The following GABRB1 variants were observed in gnomAD, a reference collection of about 807,000 sequenced individuals.
GABRB1 encodes the protein gamma-aminobutyric acid type A receptor subunit beta1, also known as gamma-aminobutyric acid receptor subunit beta-1.
GABRB1 carries 17 observed loss-of-function variants against 51.6 expected under a neutral mutation model. That is an observed-to-expected ratio of 0.33 (90% CI 0.23 to 0.49). The LOEUF is 0.49. Ranked by LOEUF, GABRB1 falls within the 20% of genes least tolerant of loss-of-function variation. The pLI is 0.99. For synonymous variants in GABRB1, 247 were observed against 218.9 expected, an observed-to-expected ratio of 1.13 and a Z score of -1.14; for missense variants, 410 against 600.6, an observed-to-expected ratio of 0.68 and a Z score of 3.32.
intron 4 of GABRB1, among the ~76,000 whole-genome samples, chr4:47,263,745 C>T (rs138406238): frequency 3.9e-5 from 6 of 152,246 alleles, no homozygotes; most frequent in East Asian, 1.9e-4. Context: ...TGAAAGGACA[C>T]TGAGTTTGCT....
chr4:47,330,087 G>A (rs1483494253), intron 5 of GABRB1, among the ~76,000 whole-genome samples: 2 of 152,142 alleles, frequency 1.3e-5, no homozygotes, highest in Non-Finnish European at 2.9e-5. Context: ...GAGTTCAAAA[G>A]CAGGAAAAAA....
At chr4:47,378,141 G>C (rs115002539) in intron 5 of GABRB1, among the ~76,000 whole-genome samples, 1 of 152,190 alleles carries the variant, frequency 6.6e-6, no homozygotes. Context: ...CCACAGAGGC[G>C]GGGAGTCGTG....
intron 3 of GABRB1, among the ~76,000 whole-genome samples, chr4:47,097,305 C>T (rs1036305717): frequency 2.0e-5 from 3 of 152,170 alleles, no homozygotes; most frequent in Non-Finnish European, 4.4e-5. Context: ...ATCAGGCATG[C>T]TTCTGCTGTA....
chr4:47,011,506 T>C (rs982959774), intron 1 of GABRB1, among the ~76,000 whole-genome samples: 1 of 152,270 alleles, frequency 6.6e-6, no homozygotes, highest in Admixed American at 6.5e-5. Flanking sequence ...TGGTTTTGTT[T>C]GACCATTTGG....
intron 4 of GABRB1, among the ~76,000 whole-genome samples, chr4:47,296,880 G>A (rs529917515): frequency 5.7e-4 from 87 of 152,232 alleles, no homozygotes; most frequent in African/African-American, 2.0e-3. Flanking sequence ...CTCAGCAAAC[G>A]TAAAAGAACG....
At chr4:47,242,090 T>C (rs1224200483) in intron 4 of GABRB1, among the ~76,000 whole-genome samples, 1 of 150,048 alleles carries the variant, frequency 6.7e-6, no homozygotes, top group Admixed American at 6.7e-5. Context: ...CCTGTGTCCA[T>C]GTGTTCTCAT....
At chr4:47,103,304 G>A (rs139401835) in intron 3 of GABRB1, among the ~76,000 whole-genome samples, 1 of 152,042 alleles carries the variant, frequency 6.6e-6, no homozygotes, top group African/African-American at 2.4e-5. Flanking sequence ...ACAAACCTAT[G>A]GCTTTCAGAA....
At chr4:47,230,136 G>T (rs560514851) in intron 4 of GABRB1, among the ~76,000 whole-genome samples, 2 of 152,234 alleles carry the variant, frequency 1.3e-5, no homozygotes, top group East Asian at 1.9e-4. Flanking sequence ...TAACATTTTG[G>T]TGAAGAAAAA....
At chr4:47,045,201 T>C (rs1726029581) in intron 3 of GABRB1, among the ~76,000 whole-genome samples, 1 of 152,058 alleles carries the variant, frequency 6.6e-6, no homozygotes, top group South Asian at 2.1e-4. Context: ...ATGGGCACTA[T>C]TAATAATTAC....
At chr4:47,397,191 G>T (rs1728204836) in intron 5 of GABRB1, among the ~76,000 whole-genome samples, 1 of 152,130 alleles carries the variant, frequency 6.6e-6, no homozygotes, top group Admixed American at 6.5e-5. Flanking sequence ...GTTAGAGTTA[G>T]AAAGGCCTCA....
At chr4:47,258,608 A>C (rs1722307121) in intron 4 of GABRB1, among the ~76,000 whole-genome samples, 1 of 152,194 alleles carries the variant, frequency 6.6e-6, no homozygotes. Context: ...ATGCAAAAGA[A>C]AAGGGAAATA....
Position 47,295,974 on chromosome 4 carries a change from AT to A in GABRB1, c.462-24149del, listed in dbSNP as rs55943649. 1.9e-3 allele frequency among the ~76,000 whole-genome samples: 285 copies of A among 152,238 alleles called. 1 individual carries two copies. Among genetic ancestry groups the A allele is most frequent in the Admixed American group, 2.9e-3 (44 of 15,292 alleles). On this transcript the variant is annotated intron_variant, in intron 4 of 8. Coordinates refer to ENST00000295454, the MANE Select transcript of GABRB1 (RefSeq NM_000812.4). ...ATATTCAACATTCTTAAAGAAAAGA[AT>A]TTTCAACCCAGAATTTCATATCCAG... is the stretch of plus-strand genomic sequence containing the variant.
At chr4:47,392,857 C>T (rs1044246791) in intron 5 of GABRB1, among the ~76,000 whole-genome samples, 5 of 152,196 alleles carry the variant, frequency 3.3e-5, no homozygotes, top group Non-Finnish European at 5.9e-5. Context: ...AATAGTTCTT[C>T]CCTAGAAGAG....
chr4:47,069,953 T>C lies in GABRB1; in HGVS notation c.240+37469T>C, dbSNP rs77823624. ...GGATCAATAAAGACCCCCATGTTGC[T>C]ACCCCTAATGGTCATTCTCAGTCAT... is the stretch of plus-strand genomic sequence containing the variant. On this transcript the variant is annotated intron_variant, in intron 3 of 8. Coordinates refer to ENST00000295454, the MANE Select transcript of GABRB1 (RefSeq NM_000812.4). 8.5e-4 allele frequency among the ~76,000 whole-genome samples: 130 copies of C among 152,190 alleles called. 1 individual carries two copies. In the East Asian group the frequency reaches 0.018, roughly 21 times the overall value.
At chr4:47,401,125 T>G (rs1728369935) in intron 5 of GABRB1, among the ~76,000 whole-genome samples, 1 of 152,150 alleles carries the variant, frequency 6.6e-6, no homozygotes, top group African/African-American at 2.4e-5. Context: ...ACTCCATATC[T>G]TTGCAATTGT....
At chr4:47,376,227 A>C (rs1375483469) in intron 5 of GABRB1, among the ~76,000 whole-genome samples, 1 of 152,198 alleles carries the variant, frequency 6.6e-6, no homozygotes, top group Non-Finnish European at 1.5e-5. Flanking sequence ...GAACCCAGAA[A>C]TTTTATTTCA....
In GABRB1 at chr4:47,125,796, C is replaced by T. The variant is rs1454237068; in HGVS notation, c.241-35453C>T. 6.7e-5 allele frequency among the ~76,000 whole-genome samples: 10 copies of T among 149,094 alleles called. 1 individual carries two copies. In the South Asian group the frequency reaches 2.1e-3, roughly 31 times the overall value. ...GGTCTCAATCTCCTGACCTCGTGAT[C>T]CGCCCGCCTCGGCCTCCCAAAGTGC... On this transcript the variant is annotated intron_variant, in intron 3 of 8. Transcript: ENST00000295454.
intron 4 of GABRB1, among the ~76,000 whole-genome samples, chr4:47,180,432 G>A (rs1177259151): frequency 3.3e-5 from 5 of 151,930 alleles, no homozygotes; most frequent in Non-Finnish European, 5.9e-5. Flanking sequence ...ATATCACAAG[G>A]CATTCACATC....
intron 3 of GABRB1, among the ~76,000 whole-genome samples, chr4:47,160,359 T>G (rs1183589910): frequency 6.6e-6 from 1 of 152,138 alleles, no homozygotes; most frequent in Non-Finnish European, 1.5e-5. Flanking sequence ...AATAAACATC[T>G]CCATTTGTAT....
Sources: allele counts gnomAD v4.1 joint callset (sites outside exome capture counted in the v4.1 genomes callset), GRCh38; gene constraint gnomAD v4.1.1; transcripts MANE v1.5; gene names NCBI Gene and HGNC (gene_info 2026-07-23, HGNC 2026-07-21).